KCNIP1: variants seen among roughly 807,000 people sequenced by gnomAD.
KCNIP1 encodes A-type potassium channel modulatory protein KCNIP1.
In KCNIP1, 18 loss-of-function variants were observed where a neutral mutation model predicts 33.0. That is an observed-to-expected ratio of 0.55 (90% CI 0.38 to 0.81). The LOEUF (loss-of-function observed/expected upper bound fraction) is 0.81. Ranked by LOEUF, KCNIP1 falls within the 30% of genes least tolerant of loss-of-function variation. KCNIP1 has a pLI of 0.00. For missense variants in KCNIP1, 238 were observed against 271.6 expected (o/e 0.88, Z 0.87); for synonymous variants, 93 against 98.3 (o/e 0.95, Z 0.32).
At chr5:170,451,281 T>C (rs1190302765) in intron 1 of KCNIP1, among the ~76,000 whole-genome samples, 1 of 152,208 alleles carries the variant, frequency 6.6e-6, no homozygotes, top group Non-Finnish European at 1.5e-5. Flanking sequence ...ATGTTTATAA[T>C]GTTGGCCCTG....
chr5:170,731,225 A>G (rs1053156598), intron 5 of KCNIP1, among the ~76,000 whole-genome samples: 4 of 152,204 alleles, frequency 2.6e-5, no homozygotes, highest in Non-Finnish European at 5.9e-5. Context: ...TCTCAACACT[A>G]TGTAACTCCC....
intron 1 of KCNIP1, among the ~76,000 whole-genome samples, chr5:170,614,471 G>A (rs1258250373): frequency 1.3e-5 from 2 of 152,138 alleles, no homozygotes; most frequent in Non-Finnish European, 2.9e-5. Context: ...GAGACTTTTT[G>A]TTCTTAATCA....
chr5:170,625,324 C>G (rs1355904632), intron 1 of KCNIP1, among the ~76,000 whole-genome samples: 1 of 152,186 alleles, frequency 6.6e-6, no homozygotes, highest in African/African-American at 2.4e-5. Flanking sequence ...TGTTCCCAGA[C>G]AACCCCAAGC....
At chr5:170,720,290 G>A in intron 2 of KCNIP1, 31 bp from the exon 3 acceptor site, 1 of 1,567,366 alleles carries the variant, frequency 6.4e-7, no homozygotes, top group Non-Finnish European at 8.8e-7. Flanking sequence ...GCCCTCAAAT[G>A]CCTCCCGCTG....
At chr5:170,555,416 C>A (rs1438928589) in intron 1 of KCNIP1, among the ~76,000 whole-genome samples, 1 of 152,178 alleles carries the variant, frequency 6.6e-6, no homozygotes, top group African/African-American at 2.4e-5. Context: ...ATTTAATCTT[C>A]TCAATAGCAC....
At chr5:170,399,111 T>A (rs1448336223) in intron 1 of KCNIP1, among the ~76,000 whole-genome samples, 1 of 152,196 alleles carries the variant, frequency 6.6e-6, no homozygotes, top group Admixed American at 6.5e-5. Context: ...AATGTGTAGA[T>A]GTGCTTACCA....
rs220942 is a variant in KCNIP1 at position 170,367,741 on chromosome 5, C to T, written c.88+13777C>T. Reference sequence around the variant, plus strand: ...AAATCTGAACCTTTCTAACCTCTCACCCGCTTTGCTGCAGCAGCCTGCAGA... The same window carrying T: ...AAATCTGAACCTTTCTAACCTCTCATCCGCTTTGCTGCAGCAGCCTGCAGA... On this transcript the variant is annotated intron_variant, in intron 1 of 7. Coordinates refer to the KCNIP1 transcript ENST00000377360. 9.7e-3 allele frequency among the ~76,000 whole-genome samples: 1,478 copies of T among 152,344 alleles called. 27 individuals are homozygous for T. Among genetic ancestry groups the T allele is most frequent in the African/African-American group, 0.034 (1,418 of 41,572 alleles).
At chr5:170,599,775 TC>T (rs1758621465) in intron 1 of KCNIP1, among the ~76,000 whole-genome samples, 2 of 152,148 alleles carry the variant, frequency 1.3e-5, no homozygotes, top group African/African-American at 4.8e-5. Flanking sequence ...CCTCTCCTCT[TC>T]CCCCTTCCTC....
intron 1 of KCNIP1, among the ~76,000 whole-genome samples, chr5:170,512,776 G>A (rs1047255114): frequency 9.9e-5 from 15 of 152,172 alleles, no homozygotes; most frequent in African/African-American, 3.6e-4. Flanking sequence ...CCGGCCAGGC[G>A]CGGTGGCTCA....
rs750543952 is a variant in KCNIP1 at position 170,534,664 on chromosome 5, A to G, written c.61+30031A>G. On this transcript the variant is annotated intron_variant, in intron 1 of 7. Transcript: ENST00000328939. ...CTCCCAAGTAGCTGGGACCACAGGC[A>G]GGCACCACCATGCCCAGCTAATTTT... Among the ~76,000 whole-genome samples the G allele has an allele frequency of 1.4e-4, 21 of 151,954 alleles. No individual in the cohort carries two copies. In the South Asian group the frequency reaches 1.5e-3, roughly 11 times the overall value.
chr5:170,622,577 G>A lies in KCNIP1; in HGVS notation c.62-96181G>A, dbSNP rs572959183. ...GCAGAGGTTGCAGTGAGCCGAGATC[G>A]CGCCACTGCACTCCAGCCTAGGTGA... On this transcript the variant is annotated intron_variant, in intron 1 of 7. Coordinates refer to ENST00000328939, the MANE Select transcript of KCNIP1 (RefSeq NM_014592.4). Among the ~76,000 whole-genome samples, 50 of 147,154 alleles carry A rather than the reference G, an allele frequency of 3.4e-4. No homozygotes were observed. In the South Asian group the frequency reaches 0.01, roughly 30 times the overall value.
chr5:170,591,490 G>A (rs528940922), intron 1 of KCNIP1, among the ~76,000 whole-genome samples: 13 of 152,258 alleles, frequency 8.5e-5, no homozygotes, highest in African/African-American at 2.6e-4. Flanking sequence ...TTTGGAGTGC[G>A]CAGTTCAGTA....
intron 1 of KCNIP1, among the ~76,000 whole-genome samples, chr5:170,635,727 G>GT (rs1167808746): frequency 6.6e-6 from 1 of 152,238 alleles, no homozygotes; most frequent in African/African-American, 2.4e-5. Flanking sequence ...GCAAGGCTCT[G>GT]TTTTTATTCT....
At chr5:170,547,907 G>A (rs1181369598) in intron 1 of KCNIP1, among the ~76,000 whole-genome samples, 2 of 152,164 alleles carry the variant, frequency 1.3e-5, no homozygotes, top group East Asian at 1.9e-4. Context: ...TTTCTGGGTC[G>A]AATAGTATTT....
At chr5:170,485,050 C>T (rs913455312) in intron 1 of KCNIP1, among the ~76,000 whole-genome samples, 1 of 149,356 alleles carries the variant, frequency 6.7e-6, no homozygotes, top group East Asian at 2.0e-4. Flanking sequence ...AAGCAATTCT[C>T]TTGCCTCAGC....
chr5:170,616,025 C>T (rs1236207497), intron 1 of KCNIP1, among the ~76,000 whole-genome samples: 3 of 152,142 alleles, frequency 2.0e-5, no homozygotes, highest in Non-Finnish European at 4.4e-5. Flanking sequence ...AGGGGGCAGC[C>T]TTTTGAGAAA....
rs1581331458 is a variant in KCNIP1, at chr5:170,564,270, A to T, written c.61+59637A>T. 2.6e-5 allele frequency among the ~76,000 whole-genome samples: 4 copies of T among 152,280 alleles called. No individual in the cohort carries two copies. In the South Asian group the frequency reaches 8.3e-4, roughly 32 times the overall value. ...TTAAAAACTGTACTCGTGTTCTGGG[A>T]GTGTTCACAAATTATAGCTTCACAC... On this transcript the variant is annotated intron_variant, in intron 1 of 7. Transcript: ENST00000328939.
intron 1 of KCNIP1, among the ~76,000 whole-genome samples, chr5:170,434,515 T>C (rs13159028): frequency 0.2 from 29,821 of 151,948 alleles, 2,967 homozygotes; most frequent in Non-Finnish European, 0.21. Context: ...AGCACTCAGG[T>C]TGGAGGTAGG....
intron 1 of KCNIP1, among the ~76,000 whole-genome samples, chr5:170,682,909 G>A (rs943026467): frequency 1.4e-5 from 2 of 147,954 alleles, no homozygotes; most frequent in Non-Finnish European, 3.0e-5. Flanking sequence ...GATTACAGGC[G>A]TGAGCCACCG....
Sources: gnomAD v4.1 joint callset for allele counts (sites outside exome capture counted in the v4.1 genomes callset) on GRCh38, gnomAD v4.1.1 for gene constraint, MANE v1.5 for transcripts, NCBI Gene and HGNC (gene_info 2026-07-23, HGNC 2026-07-21) for gene names.